Variants in DAB2IP observed in about 807,000 individuals in gnomAD.
DAB2IP encodes the protein disabled homolog 2-interacting protein.
Under a neutral mutation model 107.2 loss-of-function variants are expected in DAB2IP, and 28 were observed. The ratio of observed to expected loss-of-function variants is 0.26; its 90% CI spans 0.19 to 0.36. DAB2IP has a LOEUF of 0.36. Ranked by LOEUF, DAB2IP falls within the 10% of genes least tolerant of loss-of-function variation. The probability of loss-of-function intolerance (pLI) is 1.00; values close to 1 mark genes in which losing one functional copy is unlikely to be tolerated. For missense variants in DAB2IP, 1,400 were observed against 1,644.7 expected, an observed-to-expected ratio of 0.85 and a Z score of 2.57; for synonymous variants, 755 against 706.4, an observed-to-expected ratio of 1.07 and a Z score of -1.09.
intron 11 of DAB2IP, among the ~76,000 whole-genome samples, chr9:121,771,910 A>C (rs1891537): frequency 0.16 from 23,477 of 147,790 alleles, 1,873 homozygotes; most frequent in Middle Eastern, 0.18. Flanking sequence ...GCCCCCCTGG[A>C]CCCCGCCACA....
intron 1 of DAB2IP, among the ~76,000 whole-genome samples, chr9:121,661,749 A>G (rs568593582): frequency 6.6e-6 from 1 of 152,336 alleles, no homozygotes; most frequent in Admixed American, 6.5e-5. Context: ...TTGGGAGGCC[A>G]AGGCGGGAGG....
chr9:121,746,951 CTG>C (rs1589630603), intron 3 of DAB2IP, among the ~76,000 whole-genome samples: 1 of 152,144 alleles, frequency 6.6e-6, no homozygotes, highest in East Asian at 1.9e-4. Context: ...CAGGCACAGA[CTG>C]AGCTCAAGGA....
At chr9:121,750,568 G>C (rs1833044501) in intron 3 of DAB2IP, among the ~76,000 whole-genome samples, 1 of 152,114 alleles carries the variant, frequency 6.6e-6, no homozygotes, top group South Asian at 2.1e-4. Context: ...CTTGCCCTTT[G>C]GGGCCACACA....
At chr9:121,592,608 A>G (rs1404473252) in intron 1 of DAB2IP, among the ~76,000 whole-genome samples, 1 of 152,214 alleles carries the variant, frequency 6.6e-6, no homozygotes. Flanking sequence ...TCAACTTTAT[A>G]TATTTGTTAG....
intron 1 of DAB2IP, among the ~76,000 whole-genome samples, chr9:121,597,253 G>T (rs1830550073): frequency 6.6e-6 from 1 of 152,106 alleles, no homozygotes; most frequent in South Asian, 2.1e-4. Flanking sequence ...TTTTGTGTGT[G>T]TAAGTTTTCA....
At chr9:121,715,313 C>T (rs896982429) in intron 3 of DAB2IP, among the ~76,000 whole-genome samples, 4 of 151,366 alleles carry the variant, frequency 2.6e-5, no homozygotes, top group South Asian at 4.2e-4. Flanking sequence ...TTAATGACAG[C>T]GTGACTTGGG....
intron 1 of DAB2IP, among the ~76,000 whole-genome samples, chr9:121,623,002 G>A (rs1445205736): frequency 6.6e-6 from 1 of 151,340 alleles, no homozygotes. Context: ...GTGCCTGGGG[G>A]TGTGCACGTG....
intron 1 of DAB2IP, among the ~76,000 whole-genome samples, chr9:121,610,524 C>T (rs2118974223): frequency 6.6e-6 from 1 of 152,312 alleles, no homozygotes; most frequent in South Asian, 2.1e-4. Context: ...TGCAGGTCTT[C>T]CCAACTCCAA....
rs1399004498 is a variant in DAB2IP, at chr9:121,702,623, G to A, written c.362+3165G>A. Among the ~76,000 whole-genome samples, 2 of 152,182 alleles carry A rather than the reference G, an allele frequency of 1.3e-5. No homozygotes were observed. The highest frequency in any genetic ancestry group is 2.9e-5 in the Non-Finnish European group (2 of 68,034). ...CCAGGTGAAAGGTGTGCCGGCAAAA[G>A]CATTTTCATTTTGCACACTGGAAAT... On this transcript the variant is annotated intron_variant, in intron 3 of 15. Coordinates refer to ENST00000408936, the Ensembl canonical transcript of DAB2IP. The surrounding 1 kb of genome is among the most constrained non-coding windows in gnomAD (Gnocchi z 4.5).
chr9:121,642,030 T>TC (rs1226614194), intron 1 of DAB2IP, among the ~76,000 whole-genome samples: 2 of 21,692 alleles, frequency 9.2e-5, no homozygotes, highest in African/African-American at 2.1e-4. Flanking sequence ...TCTCTCTCTC[T>TC]CTTTCTTTCT....
intron 1 of DAB2IP, among the ~76,000 whole-genome samples, chr9:121,578,209 A>C (rs2118898767): frequency 6.7e-6 from 1 of 150,250 alleles, no homozygotes; most frequent in Non-Finnish European, 1.5e-5. Context: ...CCTTTCAGAG[A>C]CTCTCTCTGG....
At chr9:121,756,799 T>G (rs1350170193) in intron 3 of DAB2IP, among the ~76,000 whole-genome samples, 6 of 152,226 alleles carry the variant, frequency 3.9e-5, no homozygotes, top group African/African-American at 1.2e-4. Context: ...TCTGAGAGGC[T>G]GAGCCCCCAG....
chr9:121,744,409 A>G (rs1832575677), intron 3 of DAB2IP, among the ~76,000 whole-genome samples: 1 of 152,136 alleles, frequency 6.6e-6, no homozygotes, highest in Admixed American at 6.5e-5. Context: ...CCATTTCTGA[A>G]AAAAAGTCAG....
chr9:121,592,756 C>T (rs1305482499), intron 1 of DAB2IP, among the ~76,000 whole-genome samples: 1 of 152,168 alleles, frequency 6.6e-6, no homozygotes, highest in Non-Finnish European at 1.5e-5. Flanking sequence ...GCAGACGATG[C>T]CTTTGGCAAA....
At chr9:121,765,641 AC>A (rs907772003) in intron 8 of DAB2IP, among the ~76,000 whole-genome samples, 6 of 152,164 alleles carry the variant, frequency 3.9e-5, no homozygotes, top group African/African-American at 1.4e-4. Context: ...TGGTCAGATC[AC>A]CCTGAGCTCA....
At chr9:121,707,508 ACCT>A (rs1285962327) in intron 3 of DAB2IP, among the ~76,000 whole-genome samples, 1 of 151,624 alleles carries the variant, frequency 6.6e-6, no homozygotes, top group Non-Finnish European at 1.5e-5. Context: ...GTTAACCATC[ACCT>A]CCTGCCTGTC....
At chr9:121,613,253 G>C (rs1831156280) in intron 1 of DAB2IP, among the ~76,000 whole-genome samples, 1 of 152,128 alleles carries the variant, frequency 6.6e-6, no homozygotes, top group Non-Finnish European at 1.5e-5. Context: ...AACCACCTTG[G>C]CCACTGTTGT....
At chr9:121,681,178 C>G (rs1188635472) in intron 2 of DAB2IP, among the ~76,000 whole-genome samples, 2 of 152,092 alleles carry the variant, frequency 1.3e-5, no homozygotes, top group Non-Finnish European at 2.9e-5. Flanking sequence ...GTGGCGGAAC[C>G]AAGATTCGAC....
intron 3 of DAB2IP, among the ~76,000 whole-genome samples, chr9:121,720,003 C>T (rs1830831047): frequency 6.6e-6 from 1 of 152,204 alleles, no homozygotes; most frequent in African/African-American, 2.4e-5. Flanking sequence ...TGCACATAGA[C>T]ACCTTCAGTG....
Sources: gnomAD v4.1 joint callset for allele counts (sites outside exome capture counted in the v4.1 genomes callset) on GRCh38, gnomAD v4.1.1 for gene constraint, Gnocchi (gnomAD v3.1) non-coding constraint, MANE v1.5 for transcripts, NCBI Gene and HGNC (gene_info 2026-07-23, HGNC 2026-07-21) for gene names.